The following TBC1D32 variants were observed in gnomAD, a reference collection of about 807,000 sequenced individuals.
TBC1D32 encodes protein broad-minded.
In TBC1D32, 151 loss-of-function variants were observed where a neutral mutation model predicts 170.3. The observed-to-expected ratio is 0.89, with a 90% CI of 0.78 to 1.01. The LOEUF is 1.01. TBC1D32 is among the 50% of genes least tolerant of loss of function. The probability of loss-of-function intolerance (pLI) is 0.00; values close to 1 mark genes in which losing one functional copy is unlikely to be tolerated. For missense variants in TBC1D32, 1,464 were observed against 1,457.1 expected, an observed-to-expected ratio of 1.00 and a Z score of -0.08; for synonymous variants, 498 against 488.0, an observed-to-expected ratio of 1.02 and a Z score of -0.27.
chr6:121,264,804 A>G (rs1800245932), intron 15 of TBC1D32, among the ~76,000 whole-genome samples: 1 of 152,210 alleles, frequency 6.6e-6, no homozygotes, highest in South Asian at 2.1e-4. Flanking sequence ...AACAGAACCA[A>G]TGACAAAAAT....
intron 22 of TBC1D32, among the ~76,000 whole-genome samples, chr6:121,201,230 C>T (rs1791515599): frequency 1.3e-5 from 1 of 79,924 alleles, no homozygotes; most frequent in Non-Finnish European, 3.6e-5. Context: ...TAGAAGAGTA[C>T]ATTTTTAAAT....
chr6:121,263,502 T>C (rs1413275190), intron 15 of TBC1D32, among the ~76,000 whole-genome samples: 2 of 152,122 alleles, frequency 1.3e-5, no homozygotes, highest in African/African-American at 4.8e-5. Flanking sequence ...GAGACTTTAA[T>C]ACCCCACTGA....
At chr6:121,295,418 C>T (rs577474205) in intron 10 of TBC1D32, among the ~76,000 whole-genome samples, 1 of 151,068 alleles carries the variant, frequency 6.6e-6, no homozygotes, top group Non-Finnish European at 1.5e-5. Context: ...CCAGACTATA[C>T]CAAATAAAGG....
intron 15 of TBC1D32, among the ~76,000 whole-genome samples, chr6:121,277,700 C>G (rs1490683728): frequency 6.6e-6 from 1 of 151,372 alleles, no homozygotes; most frequent in Admixed American, 6.6e-5. Flanking sequence ...ATCATGTAAG[C>G]TTCCACCATA....
intron 15 of TBC1D32, among the ~76,000 whole-genome samples, chr6:121,265,358 G>A (rs922850022): frequency 9.2e-5 from 14 of 152,086 alleles, no homozygotes; most frequent in Admixed American, 2.6e-4. Flanking sequence ...AACAAGGGAC[G>A]TGAAGGAACT....
intron 29 of TBC1D32, among the ~76,000 whole-genome samples, chr6:121,111,086 T>G (rs1261818585): frequency 6.6e-6 from 1 of 152,146 alleles, no homozygotes; most frequent in African/African-American, 2.4e-5. Context: ...TCCCTTCCAT[T>G]CATATATTCC....
At chr6:121,225,661 T>C (rs74832132) in intron 20 of TBC1D32, among the ~76,000 whole-genome samples, 3,661 of 152,136 alleles carry the variant, frequency 0.024, 165 homozygotes, top group East Asian at 0.12. Context: ...AGTAAAACTT[T>C]AGGTAAAAAT....
At chr6:121,268,200 T>G (rs1183680348) in intron 15 of TBC1D32, among the ~76,000 whole-genome samples, 1 of 152,198 alleles carries the variant, frequency 6.6e-6, no homozygotes, top group East Asian at 1.9e-4. Flanking sequence ...GAGCACTTCT[T>G]CTCCTCCAAA....
chr6:121,095,549 G>A (rs1777297184), intron 30 of TBC1D32, among the ~76,000 whole-genome samples: 1 of 152,092 alleles, frequency 6.6e-6, no homozygotes, highest in African/African-American at 2.4e-5. Context: ...TGCCCATTCA[G>A]CATGATATTG....
rs138630426 is a variant in TBC1D32, at chr6:121,253,760, T to C, written c.2018+1568A>G. Among the ~76,000 whole-genome samples, 42 of 152,180 alleles carry C rather than the reference T, an allele frequency of 2.8e-4. No individual in the cohort carries two copies. The East Asian group carries it at 7.4e-3, about 27-fold the overall frequency. On this transcript the variant is annotated intron_variant, in intron 17 of 31. Coordinates refer to ENST00000398212, the MANE Select transcript of TBC1D32 (RefSeq NM_152730.6). ...AAAACAATAGATGTTGGTATGCATGTGGTGGGACACTTTTATACTGCTGGT... is the reference window on the plus strand; with the variant it reads ...AAAACAATAGATGTTGGTATGCATGCGGTGGGACACTTTTATACTGCTGGT...
intron 22 of TBC1D32, among the ~76,000 whole-genome samples, chr6:121,190,493 ATCTTCCCGCC>A (rs1378281310): frequency 1.3e-4 from 19 of 147,990 alleles, no homozygotes; most frequent in Non-Finnish European, 2.5e-4. Flanking sequence ...CCTCACTATC[ATCTTCCCGCC>A]TCTAATTTTA....
chr6:121,218,563 A>G (rs1306185011), intron 21 of TBC1D32, among the ~76,000 whole-genome samples: 1 of 152,096 alleles, frequency 6.6e-6, no homozygotes, highest in East Asian at 1.9e-4. Context: ...GCACCCTCTA[A>G]TCAGCTGTCT....
At chr6:121,089,139 T>G (rs943395498) in intron 31 of TBC1D32, among the ~76,000 whole-genome samples, 2 of 152,174 alleles carry the variant, frequency 1.3e-5, no homozygotes, top group African/African-American at 4.8e-5. Flanking sequence ...TCCCATTTAT[T>G]TATTTACATT....
intron 22 of TBC1D32, chr6:121,170,402 T>C (rs769819198): frequency 2.5e-6 from 4 of 1,598,374 alleles, no homozygotes; most frequent in Non-Finnish European, 3.4e-6. Flanking sequence ...CACCCATTTT[T>C]ACCTGTGGCT....
chr6:121,173,676 C>G (rs1480282632), intron 22 of TBC1D32, among the ~76,000 whole-genome samples: 1 of 151,874 alleles, frequency 6.6e-6, no homozygotes, highest in African/African-American at 2.4e-5. Flanking sequence ...CAATTACTAA[C>G]AGAAAACTGT....
At chr6:121,244,128 G>A (rs1797321440) in intron 17 of TBC1D32, among the ~76,000 whole-genome samples, 1 of 151,820 alleles carries the variant, frequency 6.6e-6, no homozygotes, top group Non-Finnish European at 1.5e-5. Flanking sequence ...CCAAAAAGGG[G>A]AAATAATTAC....
At chr6:121,088,061 C>T (rs1197637322) in intron 31 of TBC1D32, among the ~76,000 whole-genome samples, 1 of 151,800 alleles carries the variant, frequency 6.6e-6, no homozygotes, top group African/African-American at 2.4e-5. Context: ...ATTGATCCTC[C>T]CACCTCAGCC....
chr6:121,260,688 C>A (rs1202127681), intron 15 of TBC1D32, among the ~76,000 whole-genome samples: 1 of 152,210 alleles, frequency 6.6e-6, no homozygotes, highest in African/African-American at 2.4e-5. Context: ...GCCACTGAGG[C>A]CTTCAGTCCA....
chr6:121,103,436 G>A (rs945101223), intron 30 of TBC1D32, among the ~76,000 whole-genome samples: 4 of 151,830 alleles, frequency 2.6e-5, no homozygotes, highest in African/African-American at 7.3e-5. Flanking sequence ...CCTTTGTAGG[G>A]ACATGGATGA....
Sources: gnomAD v4.1 joint callset for allele counts (sites outside exome capture counted in the v4.1 genomes callset) on GRCh38, gnomAD v4.1.1 for gene constraint, MANE v1.5 for transcripts, NCBI Gene and HGNC (gene_info 2026-07-23, HGNC 2026-07-21) for gene names.